FRMD4A: variants seen among roughly 807,000 people sequenced by gnomAD.
The protein encoded by FRMD4A is FERM domain-containing protein 4A.
Under a neutral mutation model 129.1 loss-of-function variants are expected in FRMD4A, and 29 were observed. The ratio of observed to expected loss-of-function variants is 0.22; its 90% CI spans 0.17 to 0.31. The LOEUF (loss-of-function observed/expected upper bound fraction) is 0.31, where lower values mean the gene tolerates loss of function less well. Ranked by LOEUF, FRMD4A falls within the 10% of genes least tolerant of loss-of-function variation. The pLI, the probability that FRMD4A is intolerant of heterozygous loss-of-function variation, is 1.00. For missense variants in FRMD4A, 1,272 were observed against 1,375.8 expected (o/e 0.92, Z 1.19); for synonymous variants, 634 against 571.6 (o/e 1.11, Z -1.56).
chr10:14,268,436 A>T (rs1224455855), intron 2 of FRMD4A, among the ~76,000 whole-genome samples: 1 of 152,220 alleles, frequency 6.6e-6, no homozygotes, highest in East Asian at 1.9e-4. Flanking sequence ...ATATTGCTTC[A>T]GCCTGAGATC....
chr10:13,982,075 T>C (rs1311471363), intron 2 of FRMD4A, among the ~76,000 whole-genome samples: 2 of 152,180 alleles, frequency 1.3e-5, no homozygotes, highest in African/African-American at 2.4e-5. Context: ...AGAATCCCTC[T>C]TCCCCAAGGT....
At chr10:14,027,676 T>A (rs888923640) in intron 2 of FRMD4A, among the ~76,000 whole-genome samples, 8 of 152,186 alleles carry the variant, frequency 5.3e-5, no homozygotes, top group African/African-American at 1.9e-4. Context: ...TGGCTTCTCT[T>A]AGAATGTAAA....
intron 2 of FRMD4A, among the ~76,000 whole-genome samples, chr10:14,198,354 G>T (rs912587799): frequency 6.6e-6 from 1 of 152,170 alleles, no homozygotes; most frequent in Non-Finnish European, 1.5e-5. Flanking sequence ...CAACTGCCAT[G>T]CAATTGCTAC....
In FRMD4A at chr10:13,670,520, C is replaced by G. The variant is rs781003361; in HGVS notation, c.1260G>C (p.Thr420=). 5 of 1,612,760 alleles carry G rather than the reference C, an allele frequency of 3.1e-6. No individual in the cohort carries two copies. Among genetic ancestry groups the G allele is most frequent in the Non-Finnish European group, 4.2e-6 (5 of 1,179,202 alleles). Reference sequence around the variant, plus strand: ...GGGGATATTCTACTGGCAGCTTGCCCGTGAGCTCCTGCATATGTGAAATGG... The same window carrying G: ...GGGGATATTCTACTGGCAGCTTGCCGGTGAGCTCCTGCATATGTGAAATGG... ...KKLCLREAEL[T]GKLPVEYPLD... The change falls in exon 17 of 25, where the codon ACG becomes ACC. Residue 420 remains threonine (T), a synonymous_variant. Transcript: ENST00000357447.
At chr10:13,908,080 G>A (rs1589237003) in intron 2 of FRMD4A, among the ~76,000 whole-genome samples, 1 of 142,776 alleles carries the variant, frequency 7.0e-6, no homozygotes, top group Non-Finnish European at 1.5e-5. Context: ...CAGGAGAATC[G>A]CTTGAACCCT....
At chr10:13,964,683 T>TC (rs2095473000) in intron 2 of FRMD4A, among the ~76,000 whole-genome samples, 1 of 151,426 alleles carries the variant, frequency 6.6e-6, no homozygotes, top group South Asian at 2.1e-4. Flanking sequence ...TGTTTTTTTT[T>TC]TTTTTTTGAG....
chr10:13,708,296 T>C (rs1043523160), intron 12 of FRMD4A, among the ~76,000 whole-genome samples: 3 of 152,194 alleles, frequency 2.0e-5, no homozygotes, highest in Non-Finnish European at 4.4e-5. Flanking sequence ...GGCCATTTCC[T>C]GTATCTGACC....
chr10:14,175,387 T>G (rs1027801852), intron 2 of FRMD4A, among the ~76,000 whole-genome samples: 2 of 152,176 alleles, frequency 1.3e-5, no homozygotes, highest in African/African-American at 4.8e-5. Context: ...GCCTCTTCCT[T>G]CATTGATGCT....
chr10:13,972,719 C>T lies in FRMD4A; in HGVS notation c.46-113807G>A, dbSNP rs567151695. Among the ~76,000 whole-genome samples, 20 of 152,248 alleles carry T rather than the reference C, an allele frequency of 1.3e-4. No individual in the cohort carries two copies. The South Asian group carries it at 3.7e-3, about 28-fold the overall frequency. On this transcript the variant is annotated intron_variant, in intron 2 of 24. Transcript: ENST00000357447. ...ATTATTTTAGAATGGCATCTGCATC[C>T]TAATTCAATAAATTACATACCAAAA...
At chr10:13,737,379 C>T (rs564225135) in intron 12 of FRMD4A, among the ~76,000 whole-genome samples, 15 of 152,280 alleles carry the variant, frequency 9.9e-5, no homozygotes, top group Middle Eastern at 3.4e-3. Flanking sequence ...CGTGAGCCAG[C>T]GTGCCCAGCC....
intron 3 of FRMD4A, among the ~76,000 whole-genome samples, chr10:13,812,341 G>A (rs2093463798): frequency 6.6e-6 from 1 of 152,192 alleles, no homozygotes; most frequent in Non-Finnish European, 1.5e-5. Flanking sequence ...CCCCCAAGAT[G>A]GGATTCGTGT....
intron 12 of FRMD4A, among the ~76,000 whole-genome samples, chr10:13,724,856 T>C (rs908110706): frequency 2.6e-5 from 4 of 152,154 alleles, no homozygotes; most frequent in South Asian, 4.1e-4. Flanking sequence ...CCAGGCATTG[T>C]GTGGGAAGCA....
chr10:14,266,638 CATAAA>C (rs1274990717), intron 2 of FRMD4A, among the ~76,000 whole-genome samples: 2 of 151,996 alleles, frequency 1.3e-5, no homozygotes, highest in African/African-American at 4.8e-5. Flanking sequence ...AGAACACATT[CATAAA>C]ATAAAGTTTT....
chr10:13,678,623 CTAG>C (rs2084205914), intron 15 of FRMD4A, among the ~76,000 whole-genome samples: 2 of 152,210 alleles, frequency 1.3e-5, no homozygotes, highest in Admixed American at 6.5e-5. Context: ...CACACACGTC[CTAG>C]TAGAATTAGA....
chr10:14,187,288 T>G (rs1219640725), intron 2 of FRMD4A, among the ~76,000 whole-genome samples: 1 of 152,216 alleles, frequency 6.6e-6, no homozygotes, highest in Non-Finnish European at 1.5e-5. Flanking sequence ...CATAGGATAT[T>G]ACAGTCAAAT....
intron 2 of FRMD4A, among the ~76,000 whole-genome samples, chr10:13,909,758 G>C (rs1024443448): frequency 8.5e-5 from 13 of 152,194 alleles, no homozygotes; most frequent in African/African-American, 3.1e-4. Flanking sequence ...CAACTAAAAA[G>C]GAGGAAGTCT....
intron 2 of FRMD4A, among the ~76,000 whole-genome samples, chr10:13,995,396 C>T (rs200267538): frequency 6.6e-6 from 1 of 152,262 alleles, no homozygotes; most frequent in Non-Finnish European, 1.5e-5. Context: ...ACCAGCCTGG[C>T]CAACATAATG....
intron 2 of FRMD4A, among the ~76,000 whole-genome samples, chr10:14,094,070 C>T (rs184848465): frequency 6.6e-6 from 1 of 152,238 alleles, no homozygotes; most frequent in East Asian, 1.9e-4. Context: ...CCCATCAGAG[C>T]AGAACACATT....
In FRMD4A at chr10:13,717,727, G is replaced by GT. The variant is rs1336270617; in HGVS notation, c.760-10615_760-10614insA. 4.7e-5 allele frequency among the ~76,000 whole-genome samples: 7 copies of GT among 148,928 alleles called. 1 individual carries two copies. Among genetic ancestry groups the GT allele is most frequent in the African/African-American group, 1.2e-4 (5 of 40,084 alleles). On this transcript the variant is annotated intron_variant, in intron 12 of 24. Coordinates refer to ENST00000357447, the MANE Select transcript of FRMD4A (RefSeq NM_018027.5). ...TTTTTTTTTCCAGGGGTGGCGGGGG[G>GT]GGTTGGCAGTTGGCATTTCTCTTAT...
Sources: gnomAD v4.1 joint callset for allele counts (sites outside exome capture counted in the v4.1 genomes callset) on GRCh38, gnomAD v4.1.1 for gene constraint, MANE v1.5 for transcripts, NCBI Gene and HGNC (gene_info 2026-07-23, HGNC 2026-07-21) for gene names.